CRELD1: variants seen among roughly 807,000 people sequenced by gnomAD.
The protein encoded by CRELD1 is protein disulfide isomerase CRELD1.
Under a neutral mutation model 58.2 loss-of-function variants are expected in CRELD1, and 42 were observed. That is an observed-to-expected ratio of 0.72 (90% confidence interval 0.56 to 0.93). The LOEUF (loss-of-function observed/expected upper bound fraction) is 0.93. CRELD1 is among the 40% of genes least tolerant of loss of function. The pLI is 0.00. For synonymous variants in CRELD1, 222 were observed against 202.0 expected, an observed-to-expected ratio of 1.10 and a Z score of -0.84; for missense variants, 500 against 540.6, an observed-to-expected ratio of 0.92 and a Z score of 0.74.
chr3:9,943,717 A>G (rs1424268745), intron 10 of CRELD1: 3 of 985,416 alleles, frequency 3.0e-6, no homozygotes, highest in Non-Finnish European at 3.6e-6. Flanking sequence ...TACAAAGGGA[A>G]TCAGACCTGG....
intron 7 of CRELD1, among the ~76,000 whole-genome samples, chr3:9,941,849 T>C (rs561533679): frequency 5.1e-4 from 75 of 148,094 alleles, no homozygotes; most frequent in African/African-American, 1.7e-3. Flanking sequence ...ATGAGGACAC[T>C]GAACTTGGGG....
chr3:9,943,971 ACT>A (rs755364763), intron 10 of CRELD1: 7 of 1,147,256 alleles, frequency 6.1e-6, no homozygotes. Context: ...TCTCATCCCC[ACT>A]CTACATATGT....
rs766287283 is a variant in CRELD1 at position 9,941,170 on chromosome 3, A to G, written c.697A>G (p.Lys233Glu). 1 of 1,614,178 alleles carries G rather than the reference A, an allele frequency of 6.2e-7. No homozygotes were observed. The highest frequency in any genetic ancestry group is 1.1e-5 in the South Asian group (1 of 91,082). Residue 233 changes from lysine to glutamate, a missense_variant, in exon 7 of 11, where the codon AAG becomes GAG. By Grantham distance (56) the Lys-to-Glu change is moderately conservative. Coordinates refer to ENST00000452070, the MANE Select transcript of CRELD1 (RefSeq NM_001077415.3). ...TGAGGAATCAAACTGTTTGCAATGC[A>G]AGAAGGGCTGGGCCCTGCATCACCT... ...GPEESNCLQCKKGWALHHLKC... is the reference protein window; with the variant it reads ...GPEESNCLQCEKGWALHHLKC...
Position 9,944,620 on chromosome 3 carries a change from C to T in CRELD1, c.*41C>T, listed in dbSNP as rs1414544758. On this transcript the variant is annotated 3_prime_UTR_variant, in exon 11 of 11. Coordinates refer to ENST00000452070, the MANE Select transcript of CRELD1 (RefSeq NM_001077415.3). ...GTAGGACCTCCTCCCACCCACGCTG[C>T]CCCCAGAGCTTGGGCTGCCCTCCTG... 6.6e-7 allele frequency: 1 copy of T among 1,525,464 alleles called. No individual in the cohort carries two copies. The highest frequency in any genetic ancestry group is 8.9e-7 in the Non-Finnish European group (1 of 1,128,636). 94.5% of individuals were successfully genotyped at this position (1,525,464 alleles called of 1,614,324 possible).
At position 9,941,162 on chromosome 3, in the gene CRELD1, T is replaced by A; in HGVS notation, c.689T>A (p.Leu230Ter). 1 of 1,614,180 alleles carries A rather than the reference T, an allele frequency of 6.2e-7. No individual in the cohort carries two copies. Among genetic ancestry groups the A allele is most frequent in the Non-Finnish European group, 8.5e-7 (1 of 1,180,020 alleles). ...TCAGGACCTGAGGAATCAAACTGTT[T>A]GCAATGCAAGAAGGGCTGGGCCCTG... is the stretch of plus-strand genomic sequence containing the variant. ...RCSGPEESNCLQCKKGWALHH... is the reference protein window; with the variant it reads ...RCSGPEESNC The change falls in exon 7 of 11, where the codon TTG (leucine) becomes TAG (stop). Residue 230 changes from leucine (L) to a stop codon, truncating the protein, a stop_gained. Coordinates refer to ENST00000452070, the MANE Select transcript of CRELD1 (RefSeq NM_001077415.3). LOFTEE classifies it high-confidence loss of function.
At chr3:9,942,008 C>G (rs2085382878) in intron 7 of CRELD1, among the ~76,000 whole-genome samples, 1 of 152,026 alleles carries the variant, frequency 6.6e-6, no homozygotes, top group South Asian at 2.1e-4. Flanking sequence ...CTCACTCACG[C>G]CTCTAATCCC....
rs2085240738 is a variant in CRELD1 at position 9,937,941 on chromosome 3, G to A, written c.369-74G>A. Reference sequence around the variant, plus strand: ...GGTTGAATCACAGATTCAGGCATGGGGGAATGGGAACAGCACTTATGACAC... The same window carrying A: ...GGTTGAATCACAGATTCAGGCATGGAGGAATGGGAACAGCACTTATGACAC... On this transcript the variant is annotated intron_variant, in intron 4 of 10. Transcript: ENST00000452070. 3.7e-6 allele frequency: 4 copies of A among 1,086,132 alleles called. No homozygotes were observed. In the Admixed American group the frequency reaches 7.3e-5, roughly 20 times the overall value. 67.3% of individuals were successfully genotyped at this position (1,086,132 alleles called of 1,614,324 possible).
rs2124869094 is a variant in CRELD1, at chr3:9,944,917, T to C, written c.*338T>C. Reference sequence around the variant, plus strand: ...CTCACAGGGGTGGGGCCATCACAGCTCCCTCCTGCCAGCTGCATGCTGCCA... The same window carrying C: ...CTCACAGGGGTGGGGCCATCACAGCCCCCTCCTGCCAGCTGCATGCTGCCA... On this transcript the variant is annotated 3_prime_UTR_variant, in exon 11 of 11. Coordinates refer to ENST00000452070, the MANE Select transcript of CRELD1 (RefSeq NM_001077415.3). 1 of 383,768 alleles carries C rather than the reference T, an allele frequency of 2.6e-6. No individual in the cohort carries two copies. The highest frequency in any genetic ancestry group is 5.0e-6 in the Non-Finnish European group (1 of 200,564). The allele number at this position is 383,768 out of a possible 1,614,324, so 23.8% of individuals were successfully genotyped here.
chr3:9,937,517 G>A (rs371112279), intron 3 of CRELD1, 45 bp from the exon 4 acceptor site: 36 of 1,292,712 alleles, frequency 2.8e-5, no homozygotes, highest in Non-Finnish European at 3.7e-5. Flanking sequence ...AGGGTGGTGG[G>A]TGGGGTGGGG....
intron 9 of CRELD1, 79 bp from the exon 10 acceptor site, chr3:9,943,302 T>C: frequency 5.0e-6 from 8 of 1,600,182 alleles, no homozygotes; most frequent in Non-Finnish European, 6.8e-6. Context: ...CAGAGGGGAG[T>C]GTTGAGAGAT....
Position 9,943,490 on chromosome 3 carries a change from CAT to C in CRELD1, c.1024_1025del (p.Ile342LeufsTer42). ...CAEGYKQMEG[I>X]CVKEQIPESA... ...CCGAGGGCTACAAGCAGATGGAAGG[CAT>C]CTGTGTGAAGGAGCAGATCCCAGGT... On this transcript the variant is annotated frameshift_variant, in exon 10 of 11. Transcript: ENST00000452070. LOFTEE classifies it high-confidence loss of function. The C allele has an allele frequency of 6.2e-7, 1 of 1,614,056 alleles. No individual in the cohort carries two copies. Among genetic ancestry groups the C allele is most frequent in the Non-Finnish European group, 8.5e-7 (1 of 1,180,004 alleles).
chr3:9,943,818 G>A, intron 10 of CRELD1: 1 of 1,612,876 alleles, frequency 6.2e-7, no homozygotes, highest in East Asian at 2.2e-5. Flanking sequence ...TCCTAGGCCG[G>A]GGGTGTGGTG....
chr3:9,942,288 A>G (rs2085391219), intron 7 of CRELD1, among the ~76,000 whole-genome samples: 1 of 151,980 alleles, frequency 6.6e-6, no homozygotes, highest in Non-Finnish European at 1.5e-5. Context: ...AAAAAAAAGA[A>G]TCTAGAGGGT....
Position 9,939,124 on chromosome 3 carries a change from C to T in CRELD1, c.460+1018C>T, listed in dbSNP as rs187117417. Among the ~76,000 whole-genome samples the T allele has an allele frequency of 7.3e-5, 11 of 149,718 alleles. No homozygotes were observed. In the East Asian group the frequency reaches 2.0e-3, roughly 27 times the overall value. ...TCATGTCATTGCCTGGGAAACAGAG[C>T]GAGACCCTGTCACTAAAAATAAATA... is the stretch of plus-strand genomic sequence containing the variant. On this transcript the variant is annotated intron_variant, in intron 5 of 10. Coordinates refer to ENST00000452070, the MANE Select transcript of CRELD1 (RefSeq NM_001077415.3).
Position 9,944,042 on chromosome 3 carries a change from G to A in CRELD1, c.1049-323G>A, listed in dbSNP as rs372453922. ...CCCAGGGCTATATGGCAAGCAAGTCGCAAAGCTGGGATCCCAATCCAGACA... is the reference window on the plus strand; with the variant it reads ...CCCAGGGCTATATGGCAAGCAAGTCACAAAGCTGGGATCCCAATCCAGACA... On this transcript the variant is annotated intron_variant, in intron 10 of 10. Coordinates refer to ENST00000452070, the MANE Select transcript of CRELD1 (RefSeq NM_001077415.3). 22 of 825,430 alleles carry A rather than the reference G, an allele frequency of 2.7e-5. 1 individual carries two copies. Among genetic ancestry groups the A allele is most frequent in the Admixed American group, 8.5e-5 (5 of 59,048 alleles). 51.1% of individuals were successfully genotyped at this position (825,430 alleles called of 1,614,324 possible).
chr3:9,944,648 G>C lies in CRELD1; in HGVS notation c.*69G>C. The stretch of plus-strand genomic sequence containing the variant: ...CCAGAGCTTGGGCTGCCCTCCTGCT[G>C]GACACTCAGGACAGCTTGGTTTATT... On this transcript the variant is annotated 3_prime_UTR_variant, in exon 11 of 11. Transcript: ENST00000452070. The C allele has an allele frequency of 7.4e-7, 1 of 1,352,068 alleles. No individual in the cohort carries two copies. Among genetic ancestry groups the C allele is most frequent in the Non-Finnish European group, 1.0e-6 (1 of 977,332 alleles). 83.8% of individuals were successfully genotyped at this position (1,352,068 alleles called of 1,614,324 possible).
At chr3:9,942,067 C>T (rs1433498349) in intron 7 of CRELD1, among the ~76,000 whole-genome samples, 3 of 151,926 alleles carry the variant, frequency 2.0e-5, no homozygotes, top group South Asian at 2.1e-4. Context: ...GTCAGGAGTT[C>T]GAGACCAGCC....
chr3:9,935,252 CAGGG>C (rs2085152704), intron 3 of CRELD1, among the ~76,000 whole-genome samples: 1 of 152,072 alleles, frequency 6.6e-6, no homozygotes, highest in Non-Finnish European at 1.5e-5. Flanking sequence ...AGCTATGTGA[CAGGG>C]AGGGAATTGG....
In CRELD1 at chr3:9,943,175, G is replaced by C; in HGVS notation, c.913+3G>C. The C allele has an allele frequency of 1.9e-6, 3 of 1,612,058 alleles. No homozygotes were observed. Among genetic ancestry groups the C allele is most frequent in the Non-Finnish European group, 2.5e-6 (3 of 1,179,384 alleles). ...GCAGGTGGGCTCCAAGTGTCTCGGTGAGTCTCCTGCTGATGGGACACAGGC... is the reference window on the plus strand; with the variant it reads ...GCAGGTGGGCTCCAAGTGTCTCGGTCAGTCTCCTGCTGATGGGACACAGGC... On this transcript the variant is annotated splice_donor_region_variant and intron_variant, in intron 9 of 10. Transcript: ENST00000452070.
Sources: allele counts gnomAD v4.1 joint callset (sites outside exome capture counted in the v4.1 genomes callset), GRCh38; gene constraint gnomAD v4.1.1; transcripts MANE v1.5; gene names NCBI Gene and HGNC (gene_info 2026-07-23, HGNC 2026-07-21).